Variants in KCNMB2 observed in about 807,000 individuals in gnomAD.
KCNMB2 encodes calcium-activated potassium channel subunit beta-2.
KCNMB2 carries 9 observed loss-of-function variants against 24.5 expected under a neutral mutation model. The ratio of observed to expected loss-of-function variants is 0.37; its 90% CI spans 0.22 to 0.64. The LOEUF is 0.64. KCNMB2 is among the 30% of genes least tolerant of loss of function. The pLI is 0.63. For synonymous variants in KCNMB2, 109 were observed against 104.4 expected (o/e 1.04, Z -0.27); for missense variants, 226 against 284.3 (o/e 0.79, Z 1.47).
At chr3:178,725,273 G>T (rs1722931410) in intron 1 of KCNMB2, among the ~76,000 whole-genome samples, 1 of 151,840 alleles carries the variant, frequency 6.6e-6, no homozygotes, top group African/African-American at 2.4e-5. Flanking sequence ...TGTGTGTGTG[G>T]CTATTGTAAA....
intron 1 of KCNMB2, among the ~76,000 whole-genome samples, chr3:178,584,278 T>C (rs182333404): frequency 6.6e-6 from 1 of 152,304 alleles, no homozygotes; most frequent in East Asian, 1.9e-4. Context: ...TGGTCCAAGG[T>C]TGGTGTATTA....
intron 1 of KCNMB2, among the ~76,000 whole-genome samples, chr3:178,556,898 C>T (rs1416064638): frequency 1.3e-5 from 2 of 152,096 alleles, no homozygotes; most frequent in Non-Finnish European, 2.9e-5. Flanking sequence ...AAAGCTGTTT[C>T]AGGGCTAACA....
In KCNMB2 at chr3:178,618,315, G is replaced by A. The variant is rs563017505; in HGVS notation, c.-68+81604G>A. Among the ~76,000 whole-genome samples the A allele has an allele frequency of 4.6e-5, 7 of 152,034 alleles. No homozygotes were observed. In the East Asian group the frequency reaches 1.2e-3, roughly 25 times the overall value. ...GTCCTAAATATTGGCATTATTTACG[G>A]CTCACAGTGTGCCAGATACCTTGCC... On this transcript the variant is annotated intron_variant, in intron 1 of 4. Transcript: ENST00000452583.
chr3:178,575,569 A>T (rs1716960274), intron 1 of KCNMB2, among the ~76,000 whole-genome samples: 1 of 152,218 alleles, frequency 6.6e-6, no homozygotes, highest in African/African-American at 2.4e-5. Flanking sequence ...GACAGGATAC[A>T]ACTAATATGA....
intron 1 of KCNMB2, among the ~76,000 whole-genome samples, chr3:178,664,689 C>A (rs188205219): frequency 2.0e-5 from 3 of 149,006 alleles, no homozygotes; most frequent in Admixed American, 6.7e-5. Context: ...AAAGGAGAGA[C>A]GAAGGAAGGA....
chr3:178,546,110 G>A (rs1251522517), intron 1 of KCNMB2, among the ~76,000 whole-genome samples: 1 of 152,138 alleles, frequency 6.6e-6, no homozygotes, highest in Non-Finnish European at 1.5e-5. Context: ...TAAAGTTTAT[G>A]TACAAAGGAG....
At chr3:178,686,174 C>G (rs188729932) in intron 1 of KCNMB2, among the ~76,000 whole-genome samples, 194 of 152,264 alleles carry the variant, frequency 1.3e-3, no homozygotes, top group African/African-American at 4.5e-3. Flanking sequence ...TGGCTGAGGC[C>G]TCTATAGGCT....
At chr3:178,682,082 G>A (rs2108320521) in intron 1 of KCNMB2, among the ~76,000 whole-genome samples, 1 of 152,254 alleles carries the variant, frequency 6.6e-6, no homozygotes, top group Non-Finnish European at 1.5e-5. Flanking sequence ...CCATAGGTAA[G>A]TCCCCAGTAC....
chr3:178,701,088 A>T (rs1722075183), intron 1 of KCNMB2, among the ~76,000 whole-genome samples: 1 of 152,182 alleles, frequency 6.6e-6, no homozygotes, highest in Admixed American at 6.5e-5. Flanking sequence ...TTATGGTTTT[A>T]GGTCTAACAT....
chr3:178,585,352 A>G (rs1010688982), intron 1 of KCNMB2, among the ~76,000 whole-genome samples: 3 of 152,166 alleles, frequency 2.0e-5, no homozygotes, highest in Non-Finnish European at 4.4e-5. Context: ...GTTCCTACAG[A>G]GCCAATAGGC....
At chr3:178,598,844 T>C (rs1717974112) in intron 1 of KCNMB2, among the ~76,000 whole-genome samples, 2 of 152,128 alleles carry the variant, frequency 1.3e-5, no homozygotes, top group South Asian at 4.1e-4. Context: ...CTCCTCTAAG[T>C]CAGTCGTTCT....
intron 1 of KCNMB2, among the ~76,000 whole-genome samples, chr3:178,636,274 T>C (rs1004658392): frequency 1.2e-4 from 18 of 152,062 alleles, no homozygotes; most frequent in African/African-American, 3.9e-4. Flanking sequence ...GAGTGAGGGA[T>C]AAAAGAATAC....
chr3:178,745,712 T>C (rs374963819), intron 1 of KCNMB2, among the ~76,000 whole-genome samples: 1 of 152,180 alleles, frequency 6.6e-6, no homozygotes, highest in Non-Finnish European at 1.5e-5. Context: ...GGGTACAGCA[T>C]TGGGTAAATA....
chr3:178,825,455 C>T, intron 2 of KCNMB2, 133 bp from the exon 3 acceptor site: 1 of 631,652 alleles, frequency 1.6e-6, no homozygotes, highest in Non-Finnish European at 2.8e-6. Flanking sequence ...AGGTAGTGGA[C>T]ACACACTGAG....
chr3:178,797,754 C>A (rs187603875), intron 1 of KCNMB2, among the ~76,000 whole-genome samples: 1 of 152,196 alleles, frequency 6.6e-6, no homozygotes, highest in Non-Finnish European at 1.5e-5. Context: ...GATATTGATT[C>A]TTCCTATCCA....
chr3:178,655,825 T>C (rs1050831045), intron 1 of KCNMB2, among the ~76,000 whole-genome samples: 1 of 152,194 alleles, frequency 6.6e-6, no homozygotes, highest in East Asian at 1.9e-4. Context: ...GTTATTCATA[T>C]AAAAGTAGGA....
At chr3:178,724,560 G>T (rs925217093) in intron 1 of KCNMB2, among the ~76,000 whole-genome samples, 4 of 151,876 alleles carry the variant, frequency 2.6e-5, no homozygotes, top group African/African-American at 4.8e-5. Flanking sequence ...TTAGGGTCTT[G>T]TTCAGAAATT....
At chr3:178,791,556 G>T (rs1302902171) in intron 1 of KCNMB2, among the ~76,000 whole-genome samples, 1 of 151,052 alleles carries the variant, frequency 6.6e-6, no homozygotes, top group Non-Finnish European at 1.5e-5. Flanking sequence ...AGATAGAGTA[G>T]AAAGTGTATT....
intron 1 of KCNMB2, among the ~76,000 whole-genome samples, chr3:178,630,998 G>A (rs1376460450): frequency 1.3e-5 from 2 of 152,110 alleles, no homozygotes; most frequent in Non-Finnish European, 2.9e-5. Flanking sequence ...GAATATGTTA[G>A]GCATTATTTA....
Sources: allele counts gnomAD v4.1 joint callset (sites outside exome capture counted in the v4.1 genomes callset), GRCh38; gene constraint gnomAD v4.1.1; transcripts MANE v1.5; gene names NCBI Gene and HGNC (gene_info 2026-07-23, HGNC 2026-07-21).